The following ADAMTS12 variants were observed in gnomAD, a reference collection of about 807,000 sequenced individuals.
The protein encoded by ADAMTS12 is A disintegrin and metalloproteinase with thrombospondin motifs 12.
ADAMTS12 carries 118 observed loss-of-function variants against 167.8 expected under a neutral mutation model. The observed-to-expected ratio is 0.70, with a 90% CI of 0.61 to 0.82. ADAMTS12 has a LOEUF of 0.82. Ranked by LOEUF, ADAMTS12 falls within the 40% of genes least tolerant of loss-of-function variation. ADAMTS12 has a pLI of 0.00. For synonymous variants in ADAMTS12, 704 were observed against 716.9 expected, an observed-to-expected ratio of 0.98 and a Z score of 0.29; for missense variants, 1,916 against 1,998.8, an observed-to-expected ratio of 0.96 and a Z score of 0.79.
At chr5:33,698,905 C>T (rs1176901774) in intron 3 of ADAMTS12, among the ~76,000 whole-genome samples, 1 of 151,926 alleles carries the variant, frequency 6.6e-6, no homozygotes, top group Non-Finnish European at 1.5e-5. Context: ...GCCTGTAATC[C>T]CAGCACTTTG....
chr5:33,831,587 T>C (rs1306826470), intron 2 of ADAMTS12, among the ~76,000 whole-genome samples: 1 of 152,210 alleles, frequency 6.6e-6, no homozygotes, highest in Non-Finnish European at 1.5e-5. Context: ...CCTGCTTCCA[T>C]CTTCCAGCTG....
At chr5:33,705,541 G>A (rs745328859) in intron 3 of ADAMTS12, among the ~76,000 whole-genome samples, 3 of 152,090 alleles carry the variant, frequency 2.0e-5, no homozygotes, top group Non-Finnish European at 2.9e-5. Flanking sequence ...GGCCAGGCAC[G>A]GTGGCTCAAG....
chr5:33,884,032 T>C (rs1750553118), intron 1 of ADAMTS12, among the ~76,000 whole-genome samples: 1 of 152,038 alleles, frequency 6.6e-6, no homozygotes, highest in African/African-American at 2.4e-5. Context: ...TGAAGGGAGT[T>C]GGGTCAGAAA....
At chr5:33,596,253 A>G (rs1737862963) in intron 16 of ADAMTS12, among the ~76,000 whole-genome samples, 193 bp from the exon 17 acceptor site, 3 of 152,174 alleles carry the variant, frequency 2.0e-5, no homozygotes, top group Admixed American at 2.0e-4. Context: ...AGCTGGCAAG[A>G]GGAGGAGGAG....
In ADAMTS12 at chr5:33,792,204, C is replaced by T. The variant is rs537299986; in HGVS notation, c.490-40656G>A. Among the ~76,000 whole-genome samples the T allele has an allele frequency of 6.6e-5, 10 of 152,218 alleles. No homozygotes were observed. In the East Asian group the frequency reaches 1.2e-3, roughly 18 times the overall value. On this transcript the variant is annotated intron_variant, in intron 2 of 23. Transcript: ENST00000504830. The stretch of plus-strand genomic sequence containing the variant: ...AGAGATGGGACTTCAACACGTTAGC[C>T]AGGCTGGTCTCGAACTCCTGACCTC...
At chr5:33,761,633 A>C (rs1745360473) in intron 2 of ADAMTS12, among the ~76,000 whole-genome samples, 1 of 152,216 alleles carries the variant, frequency 6.6e-6, no homozygotes, top group Admixed American at 6.5e-5. Flanking sequence ...GCCTTCCTAC[A>C]GGGTCTTTCT....
At chr5:33,700,557 G>A (rs563374956) in intron 3 of ADAMTS12, among the ~76,000 whole-genome samples, 30 of 152,284 alleles carry the variant, frequency 2.0e-4, no homozygotes, top group Non-Finnish European at 3.1e-4. Context: ...AGGTGGGTAT[G>A]GTTATAAAAG....
chr5:33,615,852 G>A lies in ADAMTS12; in HGVS notation c.2364C>T (p.Pro788=). 4 of 1,614,108 alleles carry A rather than the reference G, an allele frequency of 2.5e-6. No individual in the cohort carries two copies. Among genetic ancestry groups the A allele is most frequent in the Non-Finnish European group, 3.4e-6 (4 of 1,180,004 alleles). ...GDLEKLMATG[P]TNESVWIQLL... is the part of the protein sequence containing the mutation. ...CCTGGATCCACACAGACTCATTGGT[G>A]GGACCTGTGGCCATCAGCTTTTCCA... The change falls in exon 15 of 24, where the codon CCC becomes CCT. Residue 788 remains proline (P), a synonymous_variant. Coordinates refer to ENST00000504830, the MANE Select transcript of ADAMTS12 (RefSeq NM_030955.4).
intron 16 of ADAMTS12, among the ~76,000 whole-genome samples, chr5:33,601,336 C>T (rs1165435059): frequency 6.6e-6 from 1 of 152,140 alleles, no homozygotes; most frequent in Admixed American, 6.6e-5. Context: ...TATGCATCCT[C>T]ATATGCCCAC....
intron 7 of ADAMTS12, among the ~76,000 whole-genome samples, chr5:33,650,798 T>C (rs957437169): frequency 7.0e-4 from 107 of 152,332 alleles, no homozygotes; most frequent in African/African-American, 2.5e-3. Flanking sequence ...CTCTCTCCAC[T>C]GGGGTGGACT....
chr5:33,681,504 TG>T (rs1248542953), intron 5 of ADAMTS12, among the ~76,000 whole-genome samples: 2 of 152,166 alleles, frequency 1.3e-5, no homozygotes, highest in African/African-American at 4.8e-5. Context: ...TTTTAGGTGT[TG>T]GGGATCTAAC....
At chr5:33,558,433 CAGAA>C (rs1745582262) in intron 20 of ADAMTS12, among the ~76,000 whole-genome samples, 2 of 152,020 alleles carry the variant, frequency 1.3e-5, no homozygotes, top group Non-Finnish European at 2.9e-5. Context: ...GATGATGTGT[CAGAA>C]ACAACTCCTA....
At chr5:33,631,027 C>G in intron 12 of ADAMTS12, 114 bp from the exon 13 acceptor site, 1 of 1,255,122 alleles carries the variant, frequency 8.0e-7, no homozygotes. Flanking sequence ...GCAATCCCAC[C>G]TTTTCACCTC....
Position 33,637,750 on chromosome 5 carries a change from C to A in ADAMTS12, c.1719-4G>T. ...ATATTTCCCTCCAAACTTTGGCCTG[C>A]AAATGAAACAGACAAGCTTTTCTTT... is the stretch of plus-strand genomic sequence containing the variant. On this transcript the variant is annotated splice_region_variant and splice_polypyrimidine_tract_variant and intron_variant, in intron 11 of 23. Coordinates refer to ENST00000504830, the MANE Select transcript of ADAMTS12 (RefSeq NM_030955.4). The A allele has an allele frequency of 6.2e-7, 1 of 1,611,566 alleles. No homozygotes were observed. Among genetic ancestry groups the A allele is most frequent in the Non-Finnish European group, 8.5e-7 (1 of 1,178,536 alleles).
At chr5:33,688,106 A>T (rs10064692) in intron 3 of ADAMTS12, among the ~76,000 whole-genome samples, 41 of 152,296 alleles carry the variant, frequency 2.7e-4, no homozygotes, top group African/African-American at 9.4e-4. Flanking sequence ...CAATCCTAAC[A>T]CCATAACAGG....
At position 33,526,059 on chromosome 5, in the gene ADAMTS12, G is replaced by A. The variant is rs1027735642; in HGVS notation, c.*1129C>T. On this transcript the variant is annotated 3_prime_UTR_variant, in exon 24 of 24. Transcript: ENST00000504830. ...CTAACTACATATTGGGTACACTGAG[G>A]AGTAGATCCCCTTTACCTTACTTTT... 1 of 152,174 alleles carries A rather than the reference G, an allele frequency of 6.6e-6. No individual in the cohort carries two copies. Among genetic ancestry groups the A allele is most frequent in the Non-Finnish European group, 1.5e-5 (1 of 68,034 alleles). The allele number at this position is 152,174 out of a possible 1,614,324, so 9.4% of individuals were successfully genotyped here.
intron 19 of ADAMTS12, among the ~76,000 whole-genome samples, chr5:33,565,511 C>T (rs1007144473): frequency 2.0e-5 from 3 of 152,138 alleles, no homozygotes; most frequent in African/African-American, 7.2e-5. Context: ...AGGCACCAGG[C>T]CCTGTCATGA....
chr5:33,611,280 T>C (rs1738715802), intron 16 of ADAMTS12, among the ~76,000 whole-genome samples: 1 of 151,466 alleles, frequency 6.6e-6, no homozygotes, highest in African/African-American at 2.4e-5. Flanking sequence ...TAGTTAACCC[T>C]GGGGAAAAAG....
intron 6 of ADAMTS12, among the ~76,000 whole-genome samples, chr5:33,659,311 A>C (rs1249098353): frequency 2.0e-5 from 3 of 152,222 alleles, no homozygotes; most frequent in Non-Finnish European, 4.4e-5. Flanking sequence ...TCTCACTAGC[A>C]GCAGCAGTTA....
Sources: gnomAD v4.1 joint callset for allele counts (sites outside exome capture counted in the v4.1 genomes callset) on GRCh38, gnomAD v4.1.1 for gene constraint, MANE v1.5 for transcripts, NCBI Gene and HGNC (gene_info 2026-07-23, HGNC 2026-07-21) for gene names.